Variants in STAP1 observed in about 807,000 individuals in gnomAD.
STAP1 encodes the protein signal-transducing adaptor protein 1.
Under a neutral mutation model 37.8 loss-of-function variants are expected in STAP1, and 30 were observed. The observed-to-expected ratio is 0.79, with a 90% CI of 0.59 to 1.08. The LOEUF is 1.08. Among genes scored for constraint, STAP1 ranks in the 50% least tolerant of loss-of-function variants. STAP1 has a pLI of 0.00. For missense variants in STAP1, 357 were observed against 349.4 expected, an observed-to-expected ratio of 1.02 and a Z score of -0.17; for synonymous variants, 130 against 116.0, an observed-to-expected ratio of 1.12 and a Z score of -0.78.
chr4:67,599,430 T>A (rs751841909), intron 8 of STAP1, among the ~76,000 whole-genome samples: 4 of 152,156 alleles, frequency 2.6e-5, no homozygotes, highest in Non-Finnish European at 4.4e-5. Context: ...CATGGTTTCA[T>A]CTTGGTAGGT....
intron 7 of STAP1, among the ~76,000 whole-genome samples, chr4:67,592,253 C>T (rs114625774): frequency 0.014 from 2,083 of 152,148 alleles, 46 homozygotes; most frequent in African/African-American, 0.048. Flanking sequence ...TTCAGCCTCC[C>T]GAGTAGCGGG....
chr4:67,603,817 G>A (rs1728394845), intron 8 of STAP1, among the ~76,000 whole-genome samples: 1 of 151,896 alleles, frequency 6.6e-6, no homozygotes, highest in South Asian at 2.1e-4. Context: ...CTTTCCTGGA[G>A]TTGTGCTGCC....
chr4:67,587,966 C>T (rs565087422), intron 6 of STAP1, among the ~76,000 whole-genome samples: 155 of 146,928 alleles, frequency 1.1e-3, no homozygotes, highest in East Asian at 3.8e-3. Context: ...TCAGATGATC[C>T]GCCCATCTCG....
intron 6 of STAP1, among the ~76,000 whole-genome samples, chr4:67,588,690 T>C (rs572643243): frequency 6.6e-6 from 1 of 152,310 alleles, no homozygotes; most frequent in African/African-American, 2.4e-5. Flanking sequence ...ATTACAGGCG[T>C]GAACCACTGC....
At chr4:67,584,094 T>G (rs1370061213) in intron 6 of STAP1, among the ~76,000 whole-genome samples, 3 of 48,124 alleles carry the variant, frequency 6.2e-5, no homozygotes, top group Non-Finnish European at 7.7e-5. Context: ...TGAGACTCGG[T>G]CTCGAAAAAA....
chr4:67,577,124 A>G (rs760702281), intron 3 of STAP1, 79 bp from the exon 4 acceptor site: 22 of 1,264,312 alleles, frequency 1.7e-5, no homozygotes, highest in Non-Finnish European at 2.4e-5. Context: ...TTTTAGGCTC[A>G]GTCATAATTA....
intron 6 of STAP1, among the ~76,000 whole-genome samples, chr4:67,585,452 C>T (rs990295833): frequency 2.6e-5 from 4 of 152,164 alleles, no homozygotes; most frequent in African/African-American, 4.8e-5. Flanking sequence ...TAAACAGATC[C>T]TTGTCTTATA....
At chr4:67,572,441 C>T (rs1727625800) in intron 2 of STAP1, among the ~76,000 whole-genome samples, 1 of 152,138 alleles carries the variant, frequency 6.6e-6, no homozygotes, top group Admixed American at 6.5e-5. Context: ...GAGGGAGCAA[C>T]TGCTTATGGT....
At chr4:67,593,985 ACC>A (rs1402187673) in intron 8 of STAP1, among the ~76,000 whole-genome samples, 17 of 152,272 alleles carry the variant, frequency 1.1e-4, no homozygotes, top group Middle Eastern at 3.4e-3. Context: ...CGAGCATGAG[ACC>A]CTATGCAACT....
chr4:67,580,605 T>C (rs1425371574), intron 4 of STAP1, among the ~76,000 whole-genome samples: 2 of 152,122 alleles, frequency 1.3e-5, no homozygotes, highest in African/African-American at 4.8e-5. Context: ...GTACAAAAAA[T>C]ATCTTACCAT....
At chr4:67,586,380 C>A (rs1257858574) in intron 6 of STAP1, among the ~76,000 whole-genome samples, 1 of 152,158 alleles carries the variant, frequency 6.6e-6, no homozygotes, top group African/African-American at 2.4e-5. Flanking sequence ...TCGCTTCAAC[C>A]TGGGAGGCGG....
intron 4 of STAP1, among the ~76,000 whole-genome samples, chr4:67,579,384 T>C (rs1445257185): frequency 1.3e-5 from 2 of 152,236 alleles, no homozygotes; most frequent in Non-Finnish European, 2.9e-5. Context: ...ACTTACTAGC[T>C]ATTTGACTCT....
At chr4:67,582,132 C>A (rs1163861648) in intron 5 of STAP1, among the ~76,000 whole-genome samples, 1 of 152,070 alleles carries the variant, frequency 6.6e-6, no homozygotes, top group East Asian at 1.9e-4. Context: ...CGCCAACCAT[C>A]ATTTTTACCT....
chr4:67,581,562 C>T, intron 5 of STAP1, 91 bp downstream of exon 5: 1 of 1,401,922 alleles, frequency 7.1e-7, no homozygotes, highest in Non-Finnish European at 9.7e-7. Flanking sequence ...TCTTGTTAAG[C>T]CAGGGACAAT....
At chr4:67,604,169 AG>A (rs1225622420) in intron 8 of STAP1, among the ~76,000 whole-genome samples, 1 of 152,158 alleles carries the variant, frequency 6.6e-6, no homozygotes, top group East Asian at 1.9e-4. Context: ...TACAATGCAA[AG>A]TGCCACAGTC....
chr4:67,572,933 C>T (rs1429203400), intron 2 of STAP1, among the ~76,000 whole-genome samples: 1 of 152,192 alleles, frequency 6.6e-6, no homozygotes, highest in Admixed American at 6.5e-5. Flanking sequence ...CCTTCTTCAT[C>T]ACCATGCCAT....
intron 1 of STAP1, among the ~76,000 whole-genome samples, chr4:67,561,888 A>G (rs1727346680): frequency 6.6e-6 from 1 of 152,002 alleles, no homozygotes; most frequent in Admixed American, 6.6e-5. Flanking sequence ...CCTGTTCAAC[A>G]TGGCGAAACC....
chr4:67,568,870 A>T (rs1425299064), intron 1 of STAP1, among the ~76,000 whole-genome samples: 1 of 152,252 alleles, frequency 6.6e-6, no homozygotes, highest in Non-Finnish European at 1.5e-5. Context: ...TCACTGGTCC[A>T]TCTGACATGC....
At chr4:67,577,731 C>T (rs894483069) in intron 4 of STAP1, among the ~76,000 whole-genome samples, 4 of 151,082 alleles carry the variant, frequency 2.6e-5, no homozygotes, top group African/African-American at 9.7e-5. Context: ...TCACTGCAAC[C>T]TCCACCTCCA....
Sources: gnomAD v4.1 joint callset for allele counts (sites outside exome capture counted in the v4.1 genomes callset) on GRCh38, gnomAD v4.1.1 for gene constraint, MANE v1.5 for transcripts, NCBI Gene and HGNC (gene_info 2026-07-23, HGNC 2026-07-21) for gene names.